SPTBN5: variants seen among roughly 807,000 people sequenced by gnomAD.
The protein encoded by SPTBN5 is spectrin beta chain, non-erythrocytic 5.
A neutral mutation model predicts 477.6 loss-of-function variants in SPTBN5; 513 were observed. The ratio of observed to expected loss-of-function variants is 1.07; its 90% CI spans 1.00 to 1.16. SPTBN5 has a LOEUF of 1.16. Among genes scored for constraint, SPTBN5 ranks in the 50% most tolerant of loss-of-function variants. The probability of loss-of-function intolerance (pLI) is 0.00; values close to 1 mark genes in which losing one functional copy is unlikely to be tolerated. For missense variants in SPTBN5, 5,062 were observed against 4,731.8 expected (o/e 1.07, Z -2.05); for synonymous variants, 2,169 against 2,011.7 (o/e 1.08, Z -2.09).
chr15:41,882,518 G>C (rs1312809928), intron 10 of SPTBN5, 49 bp from the exon 11 acceptor site: 5 of 1,574,500 alleles, frequency 3.2e-6, no homozygotes, highest in Non-Finnish European at 3.4e-6. Flanking sequence ...ACAGGGGAGG[G>C]GGCCGGGGGC....
rs1595499316 is a variant in SPTBN5, at chr15:41,879,881, C to T, written c.2812-17G>A. On this transcript the variant is annotated splice_polypyrimidine_tract_variant and intron_variant, in intron 14 of 67. Transcript: ENST00000320955. ...GAGGAAGTTCTAGGGAAAAGGAGGA[C>T]CCAGCCCTCTTGGGGGACTTTTTCT... 5.0e-6 allele frequency: 8 copies of T among 1,613,592 alleles called. No individual in the cohort carries two copies. The African/African-American group carries it at 8.0e-5, about 16-fold the overall frequency.
chr15:41,861,354 C>T (rs538874606), intron 46 of SPTBN5, 65 bp downstream of exon 46: 14 of 1,428,602 alleles, frequency 9.8e-6, no homozygotes, highest in South Asian at 9.2e-5. Flanking sequence ...GCAGCACTGG[C>T]TGGTTTGACC....
In SPTBN5 at chr15:41,878,442, G is replaced by C; in HGVS notation, c.3370C>G (p.Gln1124Glu). ...LLLWAESVQA[Q>E]LRSKEVSVDV... Reference sequence around the variant, plus strand: ...ACTGACACCTCCTTGCTGCGCAGCTGAGCCTGGACACTCTCTGCCCACAGT... The same window carrying C: ...ACTGACACCTCCTTGCTGCGCAGCTCAGCCTGGACACTCTCTGCCCACAGT... The change falls in exon 17 of 68, where the codon CAG becomes GAG. Residue 1124 changes from glutamine (Q) to glutamate (E), a missense_variant. By Grantham distance (29) the Gln-to-Glu change is conservative. Transcript: ENST00000320955. 1 of 1,613,698 alleles carries C rather than the reference G, an allele frequency of 6.2e-7. No homozygotes were observed. The highest frequency in any genetic ancestry group is 2.2e-5 in the East Asian group (1 of 44,874).
Position 41,868,539 on chromosome 15 carries a change from C to A in SPTBN5, c.5916G>T (p.Ser1972=), listed in dbSNP as rs201689734. The change falls in exon 33 of 68, where the codon TCG becomes TCT. Residue 1972 remains serine, a synonymous_variant. Coordinates refer to ENST00000320955, the MANE Select transcript of SPTBN5 (RefSeq NM_016642.4). ...VRQDLQVEES[S]QEPSSGPLKL... The stretch of plus-strand genomic sequence containing the variant: ...TCAGCGGGCCACTGCTAGGCTCTTG[C>A]GAACTCTCCTCCACCTGCAGGTCCT... 3 of 1,606,434 alleles carry A rather than the reference C, an allele frequency of 1.9e-6. No individual in the cohort carries two copies. Among genetic ancestry groups the A allele is most frequent in the Admixed American group, 1.7e-5 (1 of 60,022 alleles).
intron 39 of SPTBN5, among the ~76,000 whole-genome samples, chr15:41,865,118 G>A (rs2066254029): frequency 6.6e-6 from 1 of 152,132 alleles, no homozygotes; most frequent in Admixed American, 6.5e-5. Flanking sequence ...ACATGTACCG[G>A]GGGACAAGGT....
intron 46 of SPTBN5, 77 bp from the exon 47 acceptor site, chr15:41,860,835 A>G (rs967880224): frequency 1.1e-5 from 15 of 1,333,566 alleles, no homozygotes; most frequent in Non-Finnish European, 1.5e-5. Context: ...CCCACCTAGA[A>G]CCATCCTACC....
In SPTBN5 at chr15:41,863,833, G is replaced by A. The variant is rs767151094; in HGVS notation, c.7035-15C>T. 8.1e-6 allele frequency: 13 copies of A among 1,613,460 alleles called. No individual in the cohort carries two copies. In the African/African-American group the frequency reaches 1.7e-4, roughly 22 times the overall value. Reference sequence around the variant, plus strand: ...AACTCGCCCACCTGGCCAAGGGGTGGTGGTGTCATGTGGAGCCTGAGGTGG... The same window carrying A: ...AACTCGCCCACCTGGCCAAGGGGTGATGGTGTCATGTGGAGCCTGAGGTGG... On this transcript the variant is annotated splice_polypyrimidine_tract_variant and intron_variant, in intron 40 of 67. Transcript: ENST00000320955.
rs1451347708 is a variant in SPTBN5 at position 41,874,986 on chromosome 15, G to A, written c.4358C>T (p.Ser1453Phe). Reference sequence around the variant, plus strand: ...GTGCCGTTTCTGCAGCCTCTGGCTGGAGCGCAGGTCCTGCCCTGTTTCCGA... The same window carrying A: ...GTGCCGTTTCTGCAGCCTCTGGCTGAAGCGCAGGTCCTGCCCTGTTTCCGA... ...QSSETGQDLRSSQRLQKRHQQ... is the reference protein window; with the variant it reads ...QSSETGQDLRFSQRLQKRHQQ... Residue 1453 changes from serine (S) to phenylalanine (F), a missense_variant, in exon 23 of 68, where the codon TCC (serine) becomes TTC (phenylalanine). By Grantham distance (155) the Ser-to-Phe change is radical. Transcript: ENST00000320955. 1.2e-6 allele frequency: 2 copies of A among 1,613,734 alleles called. No homozygotes were observed. Among genetic ancestry groups the A allele is most frequent in the Non-Finnish European group, 1.7e-6 (2 of 1,179,890 alleles).
At chr15:41,863,864 C>G in intron 40 of SPTBN5, 45 bp downstream of exon 40, 1 of 1,613,026 alleles carries the variant, frequency 6.2e-7, no homozygotes, top group Non-Finnish European at 8.5e-7. Flanking sequence ...GGTGGCCTTC[C>G]ACCCCTCTTC....
rs1257825952 is a variant in SPTBN5 at position 41,854,872 on chromosome 15, T to C, written c.9528A>G (p.Ala3176=). The C allele has an allele frequency of 5.6e-6, 9 of 1,609,534 alleles. No homozygotes were observed. Among genetic ancestry groups the C allele is most frequent in the African/African-American group, 4.0e-5 (3 of 74,760 alleles). ...CTTGGATGTGGGGATAGCGCCTGGG[T>C]GCACCCCGCTCCAGGGTGCCTGCCA... ...RKLAGTLERG[A]PRRYPHIQAQ... The change falls in exon 56 of 68, where the codon GCA becomes GCG. Residue 3176 remains alanine, a synonymous_variant. Transcript: ENST00000320955.
At chr15:41,849,219 A>AGAT (rs2065663834) in intron 67 of SPTBN5, among the ~76,000 whole-genome samples, 1 of 152,238 alleles carries the variant, frequency 6.6e-6, no homozygotes, top group East Asian at 1.9e-4. Context: ...GAAGGGAAGG[A>AGAT]GATGTGGGTG....
intron 60 of SPTBN5, 44 bp from the exon 61 acceptor site, chr15:41,852,779 G>GGT (rs747774863): frequency 8.1e-6 from 13 of 1,603,782 alleles, no homozygotes; most frequent in South Asian, 2.2e-5. Flanking sequence ...TGGGGGGGGG[G>GGT]GCCCAGAGCC....
rs747246759 is a variant in SPTBN5, at chr15:41,853,571, A to G, written c.9980+11T>C. 1 of 1,561,666 alleles carries G rather than the reference A, an allele frequency of 6.4e-7. No homozygotes were observed. Among genetic ancestry groups the G allele is most frequent in the Non-Finnish European group, 8.7e-7 (1 of 1,150,052 alleles). On this transcript the variant is annotated intron_variant, in intron 58 of 67. Coordinates refer to ENST00000320955, the MANE Select transcript of SPTBN5 (RefSeq NM_016642.4). Reference sequence around the variant, plus strand: ...GTAGAGCTGAGCCGGCAGCTGAGGTAGGACACCTACAGCAGTTCCTGGCAG... The same window carrying G: ...GTAGAGCTGAGCCGGCAGCTGAGGTGGGACACCTACAGCAGTTCCTGGCAG...
At position 41,876,529 on chromosome 15, in the gene SPTBN5, C is replaced by T. The variant is rs1252328798; in HGVS notation, c.3951+19G>A. On this transcript the variant is annotated intron_variant, in intron 20 of 67. Transcript: ENST00000320955. Reference sequence around the variant, plus strand: ...TTCTTTTCAGGGAGGCGTCATGCGACCTGGGCCCAGACCCTCACCTGGAGC... The same window carrying T: ...TTCTTTTCAGGGAGGCGTCATGCGATCTGGGCCCAGACCCTCACCTGGAGC... The T allele has an allele frequency of 6.4e-7, 1 of 1,574,008 alleles. No individual in the cohort carries two copies.
chr15:41,851,508 C>A, intron 63 of SPTBN5, 139 bp from the exon 64 acceptor site: 1 of 635,580 alleles, frequency 1.6e-6, no homozygotes, highest in Non-Finnish European at 2.7e-6. Flanking sequence ...GAAAGGGAAG[C>A]CACAGAGGGG....
At chr15:41,876,384 C>A in intron 20 of SPTBN5, 100 bp from the exon 21 acceptor site, 1 of 1,440,806 alleles carries the variant, frequency 6.9e-7, no homozygotes. Context: ...CCCTGTTTTC[C>A]TCCTCAGGAA....
In SPTBN5 at chr15:41,860,719, TG is replaced by T. The variant is rs749980178; in HGVS notation, c.7854del (p.His2618GlnfsTer45). 2 of 1,601,108 alleles carry T rather than the reference TG, an allele frequency of 1.2e-6. No individual in the cohort carries two copies. The highest frequency in any genetic ancestry group is 2.3e-5 in the South Asian group (2 of 88,204). On this transcript the variant is annotated frameshift_variant, in exon 47 of 68. Coordinates refer to ENST00000320955, the MANE Select transcript of SPTBN5 (RefSeq NM_016642.4). LOFTEE classifies it high-confidence loss of function. ...LAPMEPLLWK[H>X]KMLEWDLEVQ... ...ACCTCCAGGTCCCACTCCAGCATCT[TG>T]TGCTTCCACAGAAGGGGCTCCATGG...
Position 41,874,320 on chromosome 15 carries a change from C to T in SPTBN5, c.4661G>A (p.Gly1554Asp). 6.2e-7 allele frequency: 1 copy of T among 1,613,412 alleles called. No individual in the cohort carries two copies. Among genetic ancestry groups the T allele is most frequent in the Non-Finnish European group, 8.5e-7 (1 of 1,179,670 alleles). The stretch of plus-strand genomic sequence containing the variant: ...GTGCTTGCGGTGAAGGCTCTGGGCA[C>T]CATTCAAGCACTCGGTATAGCTGGT... ...SPTSYTECLN[G>D]AQSLHRKHKE... Residue 1554 changes from glycine to aspartate, a missense_variant, in exon 24 of 68, where the codon GGT (glycine) becomes GAT (aspartate). Transcript: ENST00000320955.
chr15:41,851,660 G>T, intron 63 of SPTBN5, 119 bp downstream of exon 63: 1 of 747,526 alleles, frequency 1.3e-6, no homozygotes, highest in Non-Finnish European at 2.3e-6. Context: ...CAGCATGGTG[G>T]GGGGTGGCAT....
Sources: allele counts gnomAD v4.1 joint callset (sites outside exome capture counted in the v4.1 genomes callset), GRCh38; gene constraint gnomAD v4.1.1; transcripts MANE v1.5; gene names NCBI Gene and HGNC (gene_info 2026-07-23, HGNC 2026-07-21).